DIAPH2: variants seen among roughly 807,000 people sequenced by gnomAD.
DIAPH2 encodes the protein protein diaphanous homolog 2.
DIAPH2 carries 35 observed loss-of-function variants against 92.7 expected under a neutral mutation model. The ratio of observed to expected loss-of-function variants is 0.38; its 90% confidence interval spans 0.29 to 0.50. DIAPH2 has a LOEUF of 0.50. DIAPH2 is among the 20% of genes least tolerant of loss of function. The pLI is 0.94. For missense variants in DIAPH2, 701 were observed against 819.5 expected, an observed-to-expected ratio of 0.86 and a Z score of 1.77; for synonymous variants, 301 against 280.4, an observed-to-expected ratio of 1.07 and a Z score of -0.73.
chrX:97,139,016 TA>T (rs1226754579), intron 21 of DIAPH2, among the ~76,000 whole-genome samples: 1 of 111,567 alleles, frequency 9.0e-6, no homozygotes, highest in Non-Finnish European at 1.9e-5. Context: ...TATTTCTTAA[TA>T]AACTAACTCA....
At chrX:97,003,386 C>T in intron 17 of DIAPH2, among the ~76,000 whole-genome samples, 1 of 111,655 alleles carries the variant, frequency 9.0e-6, no homozygotes, top group East Asian at 2.8e-4. Flanking sequence ...AACTGTTCTC[C>T]ATAGAGGTTG....
intron 17 of DIAPH2, among the ~76,000 whole-genome samples, chrX:96,973,639 G>T (rs2065941121): frequency 9.3e-6 from 1 of 107,633 alleles, no homozygotes; most frequent in Admixed American, 1.0e-4. Flanking sequence ...GATGTGCATA[G>T]CTTCTATATG....
chrX:97,071,682 C>G (rs1484610410), intron 17 of DIAPH2, among the ~76,000 whole-genome samples: 1 of 111,542 alleles, frequency 9.0e-6, no homozygotes, highest in Non-Finnish European at 1.9e-5. Context: ...TAACGGACTT[C>G]CAGTATTTTG....
Position 96,962,490 on chromosome X carries a change from CACACACATATAT to C in DIAPH2, c.1936-2601_1936-2590del, listed in dbSNP as rs752865971. On this transcript the variant is annotated intron_variant, in intron 16 of 26. Transcript: ENST00000324765. ...ATACATATATATATACACACACACA[CACACACATATAT>C]ATATATATATATATATATATACCTA... Among the ~76,000 whole-genome samples, 16 of 48,936 alleles carry C rather than the reference CACACACATATAT, an allele frequency of 3.3e-4. 1 individual carries two copies. Among genetic ancestry groups the C allele is most frequent in the South Asian group, 8.8e-4 (1 of 1,137 alleles). 42.5% of individuals were successfully genotyped at this position (48,936 alleles called of 115,157 possible).
intron 26 of DIAPH2, chrX:97,454,095 G>A (rs1399412438): frequency 5.4e-5 from 6 of 112,058 alleles, no homozygotes; most frequent in African/African-American, 1.9e-4. Flanking sequence ...GCAGCATGTA[G>A]ACTTTTATCA....
At chrX:96,997,572 T>A (rs2066113035) in intron 17 of DIAPH2, among the ~76,000 whole-genome samples, 2 of 111,961 alleles carry the variant, frequency 1.8e-5, no homozygotes, top group Admixed American at 1.9e-4. Flanking sequence ...AAACTTTGTA[T>A]GGCATACAAG....
intron 4 of DIAPH2, among the ~76,000 whole-genome samples, chrX:96,856,241 T>G (rs1428928341): frequency 1.8e-5 from 2 of 111,304 alleles, no homozygotes; most frequent in East Asian, 5.6e-4. Flanking sequence ...CAATAACTCA[T>G]TATTCAAGTG....
At chrX:97,205,557 A>G (rs887027044) in intron 22 of DIAPH2, among the ~76,000 whole-genome samples, 1 of 112,296 alleles carries the variant, frequency 8.9e-6, no homozygotes, top group African/African-American at 3.2e-5. Flanking sequence ...TACATGAAAT[A>G]AAGCTCATCA....
chrX:97,013,257 A>G (rs2066239276), intron 17 of DIAPH2, among the ~76,000 whole-genome samples: 1 of 112,080 alleles, frequency 8.9e-6, no homozygotes, highest in Admixed American at 9.4e-5. Context: ...AAGCAGACAG[A>G]AAAACTATTA....
At chrX:96,771,897 G>A (rs1332474514) in intron 4 of DIAPH2, among the ~76,000 whole-genome samples, 1 of 110,502 alleles carries the variant, frequency 9.0e-6, no homozygotes, top group African/African-American at 3.3e-5. Context: ...AATTAGCTGG[G>A]TGTGGTGGCA....
intron 23 of DIAPH2, among the ~76,000 whole-genome samples, chrX:97,275,614 C>T (rs1231054647): frequency 9.5e-6 from 1 of 104,909 alleles, no homozygotes; most frequent in African/African-American, 3.5e-5. Flanking sequence ...GGCGGCCGGG[C>T]GGAGGGGCTC....
At chrX:96,994,774 G>C (rs2147851159) in intron 17 of DIAPH2, among the ~76,000 whole-genome samples, 1 of 111,176 alleles carries the variant, frequency 9.0e-6, no homozygotes, top group East Asian at 2.8e-4. Context: ...GAAGCAGGAA[G>C]AGCCCCTTAT....
intron 22 of DIAPH2, among the ~76,000 whole-genome samples, chrX:97,233,878 T>A (rs2068026754): frequency 8.9e-6 from 1 of 112,043 alleles, no homozygotes; most frequent in Non-Finnish European, 1.9e-5. Context: ...AGTTTTTTTT[T>A]CTGTCCTGTT....
At chrX:96,843,116 TACC>T (rs2147703813) in intron 4 of DIAPH2, among the ~76,000 whole-genome samples, 1 of 111,260 alleles carries the variant, frequency 9.0e-6, no homozygotes, top group East Asian at 2.8e-4. Flanking sequence ...ATGAATGGTT[TACC>T]ACCACCGCCC....
chrX:97,522,085 A>G (rs1158474786), intron 26 of DIAPH2, among the ~76,000 whole-genome samples: 1 of 112,035 alleles, frequency 8.9e-6, no homozygotes, highest in African/African-American at 3.2e-5. Flanking sequence ...CCTTCCTTTT[A>G]CATAAACATT....
chrX:97,445,469 G>A (rs1228544245), intron 26 of DIAPH2, among the ~76,000 whole-genome samples: 1 of 110,312 alleles, frequency 9.1e-6, no homozygotes, highest in African/African-American at 3.3e-5. Flanking sequence ...AGGCAACAGA[G>A]TGCAGTGGTG....
intron 23 of DIAPH2, among the ~76,000 whole-genome samples, chrX:97,347,444 A>T (rs990158471): frequency 3.6e-5 from 4 of 109,788 alleles, no homozygotes; most frequent in African/African-American, 1.3e-4. Flanking sequence ...AGAGAGAAAA[A>T]AAAATATATA....
intron 26 of DIAPH2, among the ~76,000 whole-genome samples, chrX:97,597,068 C>T (rs1190605240): frequency 1.8e-5 from 2 of 111,657 alleles, no homozygotes; most frequent in African/African-American, 3.3e-5. Context: ...TTTTCATAAA[C>T]GTTGTAGGTT....
chrX:96,715,513 T>G (rs1157032952), intron 1 of DIAPH2, among the ~76,000 whole-genome samples: 1 of 111,865 alleles, frequency 8.9e-6, no homozygotes, highest in Non-Finnish European at 1.9e-5. Flanking sequence ...CTTCACTCTT[T>G]ATGGCTGGAT....
Sources: gnomAD v4.1 joint callset for allele counts (sites outside exome capture counted in the v4.1 genomes callset) on GRCh38, gnomAD v4.1.1 for gene constraint, MANE v1.5 for transcripts, NCBI Gene and HGNC (gene_info 2026-07-23, HGNC 2026-07-21) for gene names.